Variants in TRAM2 observed in about 807,000 individuals in gnomAD.
TRAM2 encodes translocating chain-associated membrane protein 2.
In TRAM2, 12 loss-of-function variants were observed where a neutral mutation model predicts 51.0. That is an observed-to-expected ratio of 0.24 (90% confidence interval 0.15 to 0.38). The LOEUF is 0.38. TRAM2 is among the 10% of genes least tolerant of loss of function. TRAM2 has a pLI of 1.00. For missense variants in TRAM2, 361 were observed against 462.0 expected (o/e 0.78, Z 2.00); for synonymous variants, 175 against 179.4 (o/e 0.98, Z 0.20).
At chr6:52,554,630 G>A (rs1194163450) in intron 1 of TRAM2, among the ~76,000 whole-genome samples, 2 of 151,930 alleles carry the variant, frequency 1.3e-5, no homozygotes, top group African/African-American at 4.8e-5. Flanking sequence ...GGGCAGCAAT[G>A]GGCTACTGTG....
At chr6:52,528,394 C>G (rs1198784445) in intron 2 of TRAM2, among the ~76,000 whole-genome samples, 1 of 152,020 alleles carries the variant, frequency 6.6e-6, no homozygotes, top group Non-Finnish European at 1.5e-5. Context: ...TCTTGACCCC[C>G]ATGAGCTCAT....
chr6:52,576,765 C>T (rs772998403), intron 1 of TRAM2, 31 bp downstream of exon 1: 33 of 1,607,398 alleles, frequency 2.1e-5, no homozygotes, highest in Non-Finnish European at 2.7e-5. Context: ...GGGGCACTGT[C>T]CCTCCAGCTC....
At chr6:52,572,255 TA>T (rs1399902190) in intron 1 of TRAM2, among the ~76,000 whole-genome samples, 2 of 152,180 alleles carry the variant, frequency 1.3e-5, no homozygotes, top group African/African-American at 4.8e-5. Context: ...GGGAGATGCA[TA>T]AAGTTAGGAA....
intron 1 of TRAM2, among the ~76,000 whole-genome samples, chr6:52,554,801 C>G (rs1306047282): frequency 1.5e-5 from 2 of 137,420 alleles, no homozygotes; most frequent in South Asian, 2.3e-4. Context: ...GGGTCTTGCT[C>G]TGTGGGCCAG....
intron 2 of TRAM2, among the ~76,000 whole-genome samples, chr6:52,521,696 C>T (rs1318789907): frequency 1.3e-5 from 2 of 149,618 alleles, no homozygotes; most frequent in East Asian, 3.9e-4. Context: ...GAGACTCCAT[C>T]TCAAAAAAAT....
intron 2 of TRAM2, chr6:52,523,021 C>T (rs1766705836): frequency 4.6e-6 from 3 of 658,624 alleles, no homozygotes; most frequent in Non-Finnish European, 8.2e-6. Context: ...CTTCTGAGAA[C>T]TCATGTGAGC....
chr6:52,576,036 G>GC (rs1430624504), intron 1 of TRAM2, among the ~76,000 whole-genome samples: 2 of 152,070 alleles, frequency 1.3e-5, no homozygotes, highest in African/African-American at 4.8e-5. Flanking sequence ...CCCATCCTCT[G>GC]CCCCCCACTC....
At chr6:52,526,633 C>T (rs946624343) in intron 2 of TRAM2, among the ~76,000 whole-genome samples, 1 of 152,196 alleles carries the variant, frequency 6.6e-6, no homozygotes, top group African/African-American at 2.4e-5. Context: ...AAGTGATCTG[C>T]TCACCTCGGC....
At chr6:52,528,948 T>C (rs1010310173) in intron 2 of TRAM2, among the ~76,000 whole-genome samples, 2 of 149,976 alleles carry the variant, frequency 1.3e-5, no homozygotes, top group African/African-American at 4.9e-5. Flanking sequence ...TGGAGTGCAG[T>C]GGCGTGGTCT....
chr6:52,535,763 T>C lies in TRAM2; in HGVS notation c.184+20A>G, dbSNP rs569783913. ...CAGGGTTAACAGGGCCAGGAGAAGA[T>C]GGAGACCAGTGATTCTTACCTGCTG... On this transcript the variant is annotated intron_variant, in intron 2 of 10. Coordinates refer to ENST00000182527, the MANE Select transcript of TRAM2 (RefSeq NM_012288.4). 64 of 1,605,670 alleles carry C rather than the reference T, an allele frequency of 4.0e-5. No individual in the cohort carries two copies. The highest frequency in any genetic ancestry group is 4.6e-5 in the Non-Finnish European group (54 of 1,173,024).
chr6:52,537,067 T>G (rs2114087434), intron 1 of TRAM2, among the ~76,000 whole-genome samples: 1 of 152,208 alleles, frequency 6.6e-6, no homozygotes, highest in African/African-American at 2.4e-5. Flanking sequence ...GACAACCCTC[T>G]CCTTTAAAGA....
At chr6:52,519,280 A>T (rs1476552293) in intron 2 of TRAM2, among the ~76,000 whole-genome samples, 1 of 152,270 alleles carries the variant, frequency 6.6e-6, no homozygotes, top group Admixed American at 6.5e-5. Flanking sequence ...ACTCAACAAC[A>T]AAAACCAAAC....
intron 1 of TRAM2, among the ~76,000 whole-genome samples, chr6:52,571,190 C>T (rs974663030): frequency 1.3e-5 from 2 of 152,190 alleles, no homozygotes; most frequent in African/African-American, 4.8e-5. Context: ...ATAGCGCTCT[C>T]GCTGATTAGA....
chr6:52,568,310 C>G (rs1237014834), intron 1 of TRAM2, among the ~76,000 whole-genome samples: 1 of 152,258 alleles, frequency 6.6e-6, no homozygotes, highest in South Asian at 2.1e-4. Flanking sequence ...TTCCTTTCTA[C>G]TTCAACATTC....
intron 9 of TRAM2, 83 bp from the exon 10 acceptor site, chr6:52,504,837 A>C: frequency 6.0e-6 from 8 of 1,338,966 alleles, no homozygotes; most frequent in Non-Finnish European, 8.2e-6. Flanking sequence ...AACAAGGGCC[A>C]GGGGCCCTGC....
At chr6:52,516,844 G>T in intron 2 of TRAM2, 107 bp from the exon 3 acceptor site, 1 of 830,722 alleles carries the variant, frequency 1.2e-6, no homozygotes, top group Non-Finnish European at 2.0e-6. Flanking sequence ...AATGCTACCC[G>T]TTTGCTATAG....
At chr6:52,505,577 C>T in intron 9 of TRAM2, 22 bp downstream of exon 9, 2 of 1,593,406 alleles carry the variant, frequency 1.3e-6, no homozygotes, top group Non-Finnish European at 1.7e-6. Context: ...GGCTTATCAC[C>T]TTGGACTTCT....
intron 1 of TRAM2, among the ~76,000 whole-genome samples, chr6:52,565,350 G>A (rs1162360471): frequency 3.3e-5 from 5 of 152,144 alleles, no homozygotes; most frequent in African/African-American, 4.8e-5. Context: ...CAATTCAGGA[G>A]GTAAAACCAC....
rs373852555 is a variant in TRAM2 at position 52,505,630 on chromosome 6, C to T, written c.844G>A (p.Glu282Lys). 2.3e-4 allele frequency: 374 copies of T among 1,613,142 alleles called. 1 individual carries two copies. The South Asian group carries it at 2.3e-3, about 10-fold the overall frequency. The change falls in exon 9 of 11, where the codon GAG (glutamate) becomes AAG (lysine). Residue 282 changes from glutamate to lysine, a missense_variant. By Grantham distance (56) the Glu-to-Lys change is moderately conservative. Transcript: ENST00000182527. ...ARMENQAFDP[E>K]KGNFNTLFCR... is the part of the protein sequence containing the mutation. Reference sequence around the variant, plus strand: ...AACAAAGTGTTGAAGTTCCCTTTCTCGGGATCAAATGCCTGGTTTTCCATG... The same window carrying T: ...AACAAAGTGTTGAAGTTCCCTTTCTTGGGATCAAATGCCTGGTTTTCCATG...
Sources: allele counts gnomAD v4.1 joint callset (sites outside exome capture counted in the v4.1 genomes callset), GRCh38; gene constraint gnomAD v4.1.1; transcripts MANE v1.5; gene names NCBI Gene and HGNC (gene_info 2026-07-23, HGNC 2026-07-21).